DTX1: variants seen among roughly 807,000 people sequenced by gnomAD.
The protein encoded by DTX1 is deltex E3 ubiquitin ligase 1, also known as E3 ubiquitin-protein ligase DTX1.
In DTX1, 26 loss-of-function variants were observed where a neutral mutation model predicts 57.8. That is an observed-to-expected ratio of 0.45 (90% CI 0.33 to 0.62). The LOEUF is 0.62. Among genes scored for constraint, DTX1 ranks in the 20% least tolerant of loss-of-function variants. The probability of loss-of-function intolerance (pLI) is 0.02; values close to 1 mark genes in which losing one functional copy is unlikely to be tolerated. For missense variants in DTX1, 704 were observed against 895.3 expected (o/e 0.79, Z 2.73); for synonymous variants, 398 against 394.1 (o/e 1.01, Z -0.12).
intron 2 of DTX1, among the ~76,000 whole-genome samples, chr12:113,075,584 C>T (rs1195430090): frequency 1.3e-5 from 2 of 152,184 alleles, no homozygotes; most frequent in Non-Finnish European, 2.9e-5. Context: ...CTGGTTAGCC[C>T]AGAGTTTCCC....
chr12:113,078,254 G>C, intron 3 of DTX1, 149 bp downstream of exon 3: 1 of 725,906 alleles, frequency 1.4e-6, no homozygotes, highest in Non-Finnish European at 1.8e-6. Context: ...TGTTCATTTT[G>C]TGCCAAGCAT....
intron 2 of DTX1, among the ~76,000 whole-genome samples, chr12:113,076,037 GGA>G (rs2044769145): frequency 6.6e-6 from 1 of 151,664 alleles, no homozygotes; most frequent in South Asian, 2.1e-4. Flanking sequence ...GAGCGGGGAA[GGA>G]GAGAGGGGAA....
Position 113,093,487 on chromosome 12 carries a change from G to A in DTX1, c.1004-52G>A, listed in dbSNP as rs1293196808. 19 of 1,492,962 alleles carry A rather than the reference G, an allele frequency of 1.3e-5. No individual in the cohort carries two copies. The Admixed American group carries it at 4.7e-4, about 37-fold the overall frequency. 92.5% of individuals were successfully genotyped at this position (1,492,962 alleles called of 1,614,324 possible). Reference sequence around the variant, plus strand: ...GGGATTCCCAGGGCCAGTGGTCGGGGGTTTGGGCGGGGATGGCGCCCCGCC... The same window carrying A: ...GGGATTCCCAGGGCCAGTGGTCGGGAGTTTGGGCGGGGATGGCGCCCCGCC... On this transcript the variant is annotated intron_variant, in intron 4 of 9. Transcript: ENST00000548759. The surrounding 1 kb of genome is among the most constrained non-coding windows in gnomAD (Gnocchi z 4.2).
At chr12:113,078,684 G>A (rs1266288122) in intron 3 of DTX1, among the ~76,000 whole-genome samples, 1 of 152,164 alleles carries the variant, frequency 6.6e-6, no homozygotes, top group African/African-American at 2.4e-5. Flanking sequence ...CAATTCCAAA[G>A]TCTGTGCTGT....
intron 2 of DTX1, among the ~76,000 whole-genome samples, chr12:113,062,226 A>G (rs1044204046): frequency 2.0e-5 from 3 of 152,182 alleles, no homozygotes; most frequent in Non-Finnish European, 4.4e-5. Context: ...TAGTTTCCCA[A>G]TGCAGGAGCT....
At chr12:113,089,390 TGGGGCCCATGCCTGCCTTCTGGTCAGA>T (rs1393616623) in intron 3 of DTX1, among the ~76,000 whole-genome samples, 1 of 152,020 alleles carries the variant, frequency 6.6e-6, no homozygotes, top group African/African-American at 2.4e-5. Context: ...TGCATGGCAG[TGGGGCCCATGCCTGCCTTCTGGTCAGA>T]GTAGATTTCG....
At chr12:113,061,719 TGAGACAGTGTCTCAC>T (rs2044664847) in intron 2 of DTX1, among the ~76,000 whole-genome samples, 4 of 152,148 alleles carry the variant, frequency 2.6e-5, no homozygotes, top group Non-Finnish European at 5.9e-5. Flanking sequence ...CTTCTTTTTT[TGAGACAGTGTCTCAC>T]TCTGTCTCCC....
At chr12:113,090,933 G>A (rs1054446462) in intron 3 of DTX1, among the ~76,000 whole-genome samples, 4 of 152,170 alleles carry the variant, frequency 2.6e-5, no homozygotes, top group South Asian at 2.1e-4. Flanking sequence ...GTCCTCCTGC[G>A]CCCCCATGCA....
intron 3 of DTX1, among the ~76,000 whole-genome samples, chr12:113,080,413 A>T (rs1031603465): frequency 6.6e-6 from 1 of 152,156 alleles, no homozygotes; most frequent in African/African-American, 2.4e-5. Flanking sequence ...CTAGAATGAC[A>T]GGCTAGGGGG....
intron 2 of DTX1, among the ~76,000 whole-genome samples, chr12:113,067,911 C>T (rs2044714568): frequency 6.6e-6 from 1 of 152,056 alleles, no homozygotes; most frequent in Non-Finnish European, 1.5e-5. Flanking sequence ...TGATGGCACA[C>T]ACCTGTGATC....
rs748010454 is a variant in DTX1 at position 113,093,489 on chromosome 12, T to A, written c.1004-50T>A. ...GATTCCCAGGGCCAGTGGTCGGGGG[T>A]TTGGGCGGGGATGGCGCCCCGCCCT... is the stretch of plus-strand genomic sequence containing the variant. On this transcript the variant is annotated intron_variant, in intron 4 of 9. Transcript: ENST00000548759. The surrounding 1 kb of genome is among the most constrained non-coding windows in gnomAD (Gnocchi z 4.2). 11 of 1,323,754 alleles carry A rather than the reference T, an allele frequency of 8.3e-6. No individual in the cohort carries two copies. In the African/African-American group the frequency reaches 1.7e-4, roughly 21 times the overall value. The allele number at this position is 1,323,754 out of a possible 1,614,324, so 82.0% of individuals were successfully genotyped here. A position where few individuals can be genotyped will look rare whatever the true frequency, so the allele number is the denominator to read the frequency against.
intron 2 of DTX1, among the ~76,000 whole-genome samples, chr12:113,074,552 T>C (rs1174099011): frequency 2.0e-5 from 3 of 152,146 alleles, no homozygotes; most frequent in East Asian, 3.8e-4. Flanking sequence ...TGTGATTTCG[T>C]TGTAGGTCAT....
chr12:113,094,315 T>C (rs1950269865), intron 6 of DTX1, among the ~76,000 whole-genome samples: 1 of 152,272 alleles, frequency 6.6e-6, no homozygotes, highest in East Asian at 1.9e-4. Flanking sequence ...TCACCCATAT[T>C]TTCCACTAAA....
chr12:113,076,622 T>G (rs1592847674), intron 2 of DTX1, among the ~76,000 whole-genome samples: 1 of 151,964 alleles, frequency 6.6e-6, no homozygotes, highest in African/African-American at 2.4e-5. Context: ...TAAAATAAAA[T>G]AACATAATGG....
In DTX1 at chr12:113,093,388, G is replaced by A. The variant is rs1306385309; in HGVS notation, c.1004-151G>A. Reference sequence around the variant, plus strand: ...CAGGGCGGGCGTGGCCCGCAGAAAGGCCCTTCAGGGGCCTTCAAGGGGCTG... The same window carrying A: ...CAGGGCGGGCGTGGCCCGCAGAAAGACCCTTCAGGGGCCTTCAAGGGGCTG... On this transcript the variant is annotated intron_variant, in intron 4 of 9. Transcript: ENST00000548759. The surrounding 1 kb of genome is among the most constrained non-coding windows in gnomAD (Gnocchi z 4.2). 3.0e-6 allele frequency: 4 copies of A among 1,337,224 alleles called. No individual in the cohort carries two copies. The African/African-American group carries it at 5.9e-5, about 20-fold the overall frequency. The allele number at this position is 1,337,224 out of a possible 1,614,324, so 82.8% of individuals were successfully genotyped here. A position where few individuals can be genotyped will look rare whatever the true frequency, so the allele number is the denominator to read the frequency against.
chr12:113,068,479 C>T (rs1275936634), intron 2 of DTX1, among the ~76,000 whole-genome samples: 1 of 152,188 alleles, frequency 6.6e-6, no homozygotes, highest in East Asian at 1.9e-4. Flanking sequence ...AAGAACTCAG[C>T]AGGGAGGCCA....
Position 113,094,066 on chromosome 12 carries a change from A to T in DTX1, c.1194A>T (p.Arg398Ser), listed in dbSNP as rs1276814033. 6.4e-7 allele frequency: 1 copy of T among 1,572,310 alleles called. No individual in the cohort carries two copies. The highest frequency in any genetic ancestry group is 1.9e-5 in the Admixed American group (1 of 52,892). ...KSKNPEDVVR[R>S]YMQKVKNPPD... ...AGAATCCCGAGGATGTGGTTCGAAGATACATGCAGAAGGTGAAAAACCCAC... is the reference window on the plus strand; with the variant it reads ...AGAATCCCGAGGATGTGGTTCGAAGTTACATGCAGAAGGTGAAAAACCCAC... The change falls in exon 6 of 10, where the codon AGA becomes AGT. Residue 398 changes from arginine (R) to serine (S), a missense_variant. By Grantham distance (110) the Arg-to-Ser change is moderately radical. Transcript: ENST00000548759.
Position 113,077,633 on chromosome 12 carries a change from T to A in DTX1, c.469T>A (p.Ser157Thr), listed in dbSNP as rs1397934356. 1 of 1,610,966 alleles carries A rather than the reference T, an allele frequency of 6.2e-7. No homozygotes were observed. The highest frequency in any genetic ancestry group is 8.5e-7 in the Non-Finnish European group (1 of 1,179,280). The change falls in exon 3 of 10, where the codon TCG (serine) becomes ACG (threonine). Residue 157 changes from serine (S) to threonine (T), a missense_variant. Around this residue, in one of 3 missense-constraint regions of DTX1, gnomAD observed 237 missense variants for 328.6 expected, o/e 0.72. Coordinates refer to ENST00000548759, the MANE Select transcript of DTX1 (RefSeq NM_004416.3). The surrounding 1 kb of genome is among the most constrained non-coding windows in gnomAD (Gnocchi z 7.8). ...FCYLIYFNSM[S>T]QMNRQTRRRR... is the part of the protein sequence containing the mutation. ...CTACCTCATCTACTTCAACAGCATG[T>A]CGCAGATGAACCGCCAGACGCGCCG...
chr12:113,073,066 CCTCCCCTGCCGAG>C (rs1412504397), intron 2 of DTX1, among the ~76,000 whole-genome samples: 1 of 152,068 alleles, frequency 6.6e-6, no homozygotes, highest in Non-Finnish European at 1.5e-5. Context: ...TATCCCGGCC[CCTCCCCTGCCGAG>C]CTCAGGATTT....
Sources: allele counts gnomAD v4.1 joint callset (sites outside exome capture counted in the v4.1 genomes callset), GRCh38; gene constraint gnomAD v4.1.1; regional missense constraint gnomAD v4.1.1; non-coding constraint Gnocchi (gnomAD v3.1); transcripts MANE v1.5; gene names NCBI Gene and HGNC (gene_info 2026-07-23, HGNC 2026-07-21).